The following SEZ6 variants were observed in gnomAD, a reference collection of about 807,000 sequenced individuals.
SEZ6 encodes seizure related 6 homolog.
Under a neutral mutation model 101.0 loss-of-function variants are expected in SEZ6, and 53 were observed. The observed-to-expected ratio is 0.52, with a 90% CI of 0.42 to 0.66. SEZ6 has a LOEUF of 0.66. Among genes scored for constraint, SEZ6 ranks in the 30% least tolerant of loss-of-function variants. The pLI is 0.00. For missense variants in SEZ6, 1,102 were observed against 1,289.4 expected (o/e 0.85, Z 2.23); for synonymous variants, 488 against 512.2 (o/e 0.95, Z 0.64).
At chr17:28,967,158 C>T (rs1270919208) in intron 4 of SEZ6, among the ~76,000 whole-genome samples, 2 of 152,250 alleles carry the variant, frequency 1.3e-5, no homozygotes, top group Non-Finnish European at 2.9e-5. Flanking sequence ...CCTAAGACAT[C>T]AGCCTGCTGT....
chr17:28,973,616 G>C (rs1450346358), intron 3 of SEZ6, among the ~76,000 whole-genome samples: 1 of 152,230 alleles, frequency 6.6e-6, no homozygotes, highest in Non-Finnish European at 1.5e-5. Flanking sequence ...TGTCTGTGCA[G>C]CTCTGGTCCC....
chr17:28,980,645 G>A (rs2041287655), intron 2 of SEZ6, among the ~76,000 whole-genome samples: 2 of 152,132 alleles, frequency 1.3e-5, no homozygotes, highest in African/African-American at 4.8e-5. Context: ...TGGGATTACA[G>A]GCATGAGCCA....
At chr17:28,960,481 C>A (rs756889627) in intron 7 of SEZ6, 24 bp downstream of exon 7, 1 of 1,578,190 alleles carries the variant, frequency 6.3e-7, no homozygotes, top group Admixed American at 1.8e-5. Flanking sequence ...CCCGCCACCC[C>A]CAGTGAGGCC....
chr17:28,978,961 A>G (rs557629506), intron 3 of SEZ6, among the ~76,000 whole-genome samples: 6 of 152,200 alleles, frequency 3.9e-5, no homozygotes, highest in African/African-American at 1.4e-4. Flanking sequence ...GGGAAAGGCT[A>G]AGGAGACCCC....
chr17:28,959,568 C>G lies in SEZ6; in HGVS notation c.1772-96G>C. The G allele has an allele frequency of 6.4e-7, 1 of 1,554,992 alleles. No individual in the cohort carries two copies. Among genetic ancestry groups the G allele is most frequent in the East Asian group, 2.3e-5 (1 of 44,414 alleles). ...GAGTGCCCACAAATTGCTGGGACCC[C>G]CCACCTCCTCCTTGGAGGAAGCCTG... On this transcript the variant is annotated intron_variant, in intron 8 of 16. Transcript: ENST00000317338. This position sits in a 1 kb window ranked among gnomAD's most constrained non-coding sequence, Gnocchi z 4.4.
intron 3 of SEZ6, 97 bp from the exon 4 acceptor site, chr17:28,970,049 C>G (rs1322489913): frequency 8.9e-7 from 1 of 1,124,862 alleles, no homozygotes; most frequent in African/African-American, 1.6e-5. Flanking sequence ...CCGGGCAGAT[C>G]AATCCTCAAT....
intron 4 of SEZ6, among the ~76,000 whole-genome samples, chr17:28,968,463 A>C (rs1265503999): frequency 6.6e-6 from 1 of 152,236 alleles, no homozygotes; most frequent in Admixed American, 6.5e-5. Flanking sequence ...AATTTGCAGC[A>C]AGAGAGAAGG....
At chr17:28,956,822 GA>G in intron 13 of SEZ6, 65 bp from the exon 14 acceptor site, 1 of 1,524,426 alleles carries the variant, frequency 6.6e-7, no homozygotes, top group Non-Finnish European at 8.9e-7. Flanking sequence ...CTAAGGCAGG[GA>G]GAGGAGGTAG....
chr17:28,982,123 C>A, intron 1 of SEZ6, 84 bp from the exon 2 acceptor site: 5 of 1,462,158 alleles, frequency 3.4e-6, no homozygotes, highest in Non-Finnish European at 4.5e-6. Context: ...GGGGGGCCCG[C>A]TCTCTTTTGA....
chr17:28,996,057 G>A (rs1438594623), intron 1 of SEZ6, among the ~76,000 whole-genome samples: 1 of 151,578 alleles, frequency 6.6e-6, no homozygotes, highest in Non-Finnish European at 1.5e-5. Context: ...CTGGAGTGCA[G>A]TGGCGAGATC....
intron 5 of SEZ6, among the ~76,000 whole-genome samples, chr17:28,961,458 C>T (rs1039184294): frequency 2.0e-5 from 3 of 152,176 alleles, no homozygotes; most frequent in Admixed American, 6.5e-5. Flanking sequence ...CCAGGTCTTT[C>T]CAGGCCAGGC....
At chr17:28,964,720 A>G (rs1417188076) in intron 4 of SEZ6, among the ~76,000 whole-genome samples, 1 of 152,244 alleles carries the variant, frequency 6.6e-6, no homozygotes, top group African/African-American at 2.4e-5. Context: ...ATTCACTGAG[A>G]AATGCTAAAA....
At chr17:28,963,258 C>CT (rs1390973942) in intron 5 of SEZ6, among the ~76,000 whole-genome samples, 2 of 152,174 alleles carry the variant, frequency 1.3e-5, no homozygotes, top group Non-Finnish European at 2.9e-5. Context: ...ACCTGGGAGT[C>CT]CCCTTTCCCT....
chr17:28,957,268 G>A (rs2040895854), intron 12 of SEZ6, 26 bp from the exon 13 acceptor site: 2 of 1,613,544 alleles, frequency 1.2e-6, no homozygotes, highest in Admixed American at 1.7e-5. Flanking sequence ...AGTGCAGTGA[G>A]GGTGTCATGC....
At chr17:28,999,867 C>T (rs2041591872) in intron 1 of SEZ6, among the ~76,000 whole-genome samples, 1 of 152,210 alleles carries the variant, frequency 6.6e-6, no homozygotes, top group Non-Finnish European at 1.5e-5. Context: ...CCATAGTTCA[C>T]CTGACTCCCA....
At chr17:28,957,300 C>G (rs1202712687) in intron 12 of SEZ6, 48 bp downstream of exon 12, 1 of 1,610,840 alleles carries the variant, frequency 6.2e-7, no homozygotes, top group East Asian at 2.2e-5. Flanking sequence ...AGGGCAGCAT[C>G]TTTTATCTCC....
rs1369919657 is a variant in SEZ6 at position 28,959,187 on chromosome 17, A to G, written c.1945T>C (p.Tyr649His). 2 of 1,613,468 alleles carry G rather than the reference A, an allele frequency of 1.2e-6. No individual in the cohort carries two copies. The highest frequency in any genetic ancestry group is 2.7e-5 in the African/African-American group (2 of 74,928). ...RIGPGDVLTF[Y>H]DGDDLTARVL... ...CGGGCCGTCAGGTCATCCCCATCAT[A>G]GAAGGTAAGCACATCACCAGGGCCT... Residue 649 changes from tyrosine to histidine, a missense_variant, in exon 10 of 17, where the codon TAT becomes CAT. Physicochemically the swap from Tyr to His is moderately conservative, Grantham distance 83. This residue lies in a region of SEZ6 where 556 missense variants were observed against 735.1 expected (regional missense o/e 0.76). Transcript: ENST00000317338. This position sits in a 1 kb window ranked among gnomAD's most constrained non-coding sequence, Gnocchi z 4.4.
intron 3 of SEZ6, among the ~76,000 whole-genome samples, chr17:28,970,445 T>C (rs745363046): frequency 1.3e-5 from 2 of 152,236 alleles, no homozygotes; most frequent in Non-Finnish European, 2.9e-5. Flanking sequence ...GCTAGGTGAC[T>C]GTCTTCCCCT....
chr17:28,973,917 C>A (rs894417568), intron 3 of SEZ6, among the ~76,000 whole-genome samples: 2 of 152,184 alleles, frequency 1.3e-5, no homozygotes, highest in African/African-American at 4.8e-5. Context: ...CCTCCAGGAC[C>A]CTGGGCTGTC....
Sources: allele counts gnomAD v4.1 joint callset (sites outside exome capture counted in the v4.1 genomes callset), GRCh38; gene constraint gnomAD v4.1.1; regional missense constraint gnomAD v4.1.1; non-coding constraint Gnocchi (gnomAD v3.1); transcripts MANE v1.5; gene names NCBI Gene and HGNC (gene_info 2026-07-23, HGNC 2026-07-21).